Variants in GALK2 observed in about 807,000 individuals in gnomAD.
The protein encoded by GALK2 is N-acetylgalactosamine kinase.
GALK2 carries 36 observed loss-of-function variants against 52.4 expected under a neutral mutation model. The observed-to-expected ratio is 0.69, with a 90% CI of 0.53 to 0.91. The LOEUF (loss-of-function observed/expected upper bound fraction) is 0.91, where lower values mean the gene tolerates loss of function less well. GALK2 is among the 40% of genes least tolerant of loss of function. GALK2 has a pLI of 0.00. For synonymous variants in GALK2, 176 were observed against 199.1 expected (o/e 0.88, Z 0.98); for missense variants, 579 against 559.1 (o/e 1.04, Z -0.36).
At chr15:49,350,147 C>T (rs1275103614) in intron 3 of GALK2, among the ~76,000 whole-genome samples, 1 of 152,134 alleles carries the variant, frequency 6.6e-6, no homozygotes, top group African/African-American at 2.4e-5. Flanking sequence ...TTTCTTCTTA[C>T]TCAAGGCAGT....
intron 3 of GALK2, among the ~76,000 whole-genome samples, chr15:49,357,201 A>C (rs1343075828): frequency 6.7e-6 from 1 of 150,048 alleles, no homozygotes; most frequent in Non-Finnish European, 1.5e-5. Flanking sequence ...AAACACATTC[A>C]AAAGCTAGCA....
At chr15:49,167,043 G>A (rs1357856315), upstream of GALK2, among the ~76,000 whole-genome samples, 1 of 152,198 alleles carries the variant, frequency 6.6e-6, no homozygotes, top group Non-Finnish European at 1.5e-5. Context: ...AGCCAGGTCT[G>A]TAAGTCTCTA....
At chr15:49,215,322 A>C (rs1385648839) in intron 2 of GALK2, among the ~76,000 whole-genome samples, 2 of 152,166 alleles carry the variant, frequency 1.3e-5, no homozygotes, top group Non-Finnish European at 2.9e-5. Context: ...TTCTACCCTG[A>C]TCTCTCTATC....
chr15:49,323,808 C>T (rs2037104223), intron 9 of GALK2, among the ~76,000 whole-genome samples: 1 of 151,956 alleles, frequency 6.6e-6, no homozygotes, highest in African/African-American at 2.4e-5. Flanking sequence ...AGTTTAGAAT[C>T]TAAAGAAAGG....
chr15:49,217,313 CGTGA>C lies in GALK2; in HGVS notation c.266+3_266+6del. The C allele has an allele frequency of 6.2e-7, 1 of 1,613,422 alleles. No homozygotes were observed. Among genetic ancestry groups the C allele is most frequent in the African/African-American group, 1.3e-5 (1 of 74,986 alleles). On this transcript the variant is annotated splice_donor_variant and splice_donor_region_variant and intron_variant, in intron 3 of 9. Transcript: ENST00000560031. LOFTEE classifies it high-confidence loss of function. ...CTGGCCAATACAAATCCCTTGTATCCGTGAGTATTTAAAATTGTTAGTGTGTGTG... is the reference window on the plus strand; with the variant it reads ...CTGGCCAATACAAATCCCTTGTATCCGTATTTAAAATTGTTAGTGTGTGTG...
intron 5 of GALK2, among the ~76,000 whole-genome samples, chr15:49,281,389 T>C (rs1042553686): frequency 6.6e-6 from 1 of 152,240 alleles, no homozygotes; most frequent in African/African-American, 2.4e-5. Context: ...GATTTATTTC[T>C]TAATCAATAG....
At chr15:49,217,415 T>C (rs1441033805) in intron 3 of GALK2, 102 bp downstream of exon 3, 3 of 1,151,526 alleles carry the variant, frequency 2.6e-6, no homozygotes, top group Admixed American at 4.8e-5. Flanking sequence ...ATTTAACTTA[T>C]TGATATTTTG....
chr15:49,170,592 T>C (rs949986361), intron 1 of GALK2: 1 of 553,836 alleles, frequency 1.8e-6, no homozygotes, highest in Non-Finnish European at 3.2e-6. Flanking sequence ...TATGTTTTTT[T>C]CTTCATCCAT....
intron 1 of GALK2, among the ~76,000 whole-genome samples, chr15:49,194,530 G>GT (rs201617038): frequency 0.031 from 4,705 of 151,252 alleles, 148 homozygotes; most frequent in African/African-American, 0.071. Context: ...TCAAAACAGG[G>GT]TTTTTTTGTT....
chr15:49,213,451 T>C (rs1291081937), intron 2 of GALK2, among the ~76,000 whole-genome samples: 2 of 152,106 alleles, frequency 1.3e-5, no homozygotes, highest in East Asian at 1.9e-4. Flanking sequence ...TGTCAACCCA[T>C]TGTCTAGGTT....
chr15:49,249,102 C>G (rs2091480368), intron 5 of GALK2, among the ~76,000 whole-genome samples: 1 of 152,206 alleles, frequency 6.6e-6, no homozygotes. Context: ...ATATTAAGTA[C>G]TACACATATG....
Position 49,228,683 on chromosome 15 carries a change from ATATAT to A in GALK2, c.267-7166_267-7162del, listed in dbSNP as rs2090302389. On this transcript the variant is annotated intron_variant, in intron 3 of 9. Transcript: ENST00000560031. ...CTGATATATATATATATATATATAT[ATATAT>A]TTTTTTTTTTTTTTTTTTTTTTTGC... Among the ~76,000 whole-genome samples the A allele has an allele frequency of 1.4e-4, 2 of 14,080 alleles. 1 individual carries two copies. Among genetic ancestry groups the A allele is most frequent in the Non-Finnish European group, 2.6e-4 (2 of 7,686 alleles). 9.2% of individuals were successfully genotyped at this position (14,080 alleles called of 152,430 possible).
At chr15:49,316,309 A>T (rs1016894388) in intron 8 of GALK2, among the ~76,000 whole-genome samples, 12 of 148,252 alleles carry the variant, frequency 8.1e-5, no homozygotes, top group Non-Finnish European at 1.6e-4. Flanking sequence ...CGAAAGTAAG[A>T]GTTATAAGGA....
At chr15:49,198,426 C>T (rs1302120359) in intron 1 of GALK2, among the ~76,000 whole-genome samples, 2 of 152,178 alleles carry the variant, frequency 1.3e-5, no homozygotes, top group African/African-American at 2.4e-5. Flanking sequence ...TATTAATCTT[C>T]CCAACAAATC....
chr15:49,238,060 G>T (rs1233262357), intron 4 of GALK2, among the ~76,000 whole-genome samples: 1 of 152,086 alleles, frequency 6.6e-6, no homozygotes, highest in Non-Finnish European at 1.5e-5. Flanking sequence ...AAGGAAAAAG[G>T]TCTTTTATTT....
intron 1 of GALK2, 62 bp from the exon 2 acceptor site, chr15:49,201,100 G>A (rs950257091): frequency 1.3e-6 from 1 of 791,282 alleles, no homozygotes; most frequent in Non-Finnish European, 2.2e-6. Flanking sequence ...GTATGTGTGT[G>A]TATGTTATGT....
intron 3 of GALK2, among the ~76,000 whole-genome samples, chr15:49,345,903 T>A (rs187423101): frequency 2.0e-5 from 3 of 152,176 alleles, no homozygotes; most frequent in Non-Finnish European, 4.4e-5. Flanking sequence ...CTTTGAGAGA[T>A]TGAGTGTGTG....
downstream of GALK2, among the ~76,000 whole-genome samples, chr15:49,332,059 A>G (rs1222541160): frequency 6.6e-6 from 1 of 150,738 alleles, no homozygotes; most frequent in Non-Finnish European, 1.5e-5. Context: ...AGGTTCAGAC[A>G]CCCACCCCCG....
intron 5 of GALK2, among the ~76,000 whole-genome samples, chr15:49,267,498 C>G (rs1368895677): frequency 6.6e-6 from 1 of 152,162 alleles, no homozygotes; most frequent in African/African-American, 2.4e-5. Context: ...TCTCCAGAGT[C>G]TCAGTCCAAT....
Sources: gnomAD v4.1 joint callset for allele counts (sites outside exome capture counted in the v4.1 genomes callset) on GRCh38, gnomAD v4.1.1 for gene constraint, MANE v1.5 for transcripts, NCBI Gene and HGNC (gene_info 2026-07-23, HGNC 2026-07-21) for gene names.